Variants in MACF1 observed in about 807,000 individuals in gnomAD.
MACF1 encodes microtubule actin crosslinking factor 1.
A neutral mutation model predicts 854.8 loss-of-function variants in MACF1; 193 were observed. The ratio of observed to expected loss-of-function variants is 0.23; its 90% CI spans 0.20 to 0.25. MACF1 has a LOEUF of 0.25. MACF1 is among the 10% of genes least tolerant of loss of function. The pLI is 1.00. For missense variants in MACF1, 7,722 were observed against 8,929.1 expected, an observed-to-expected ratio of 0.86 and a Z score of 5.45; for synonymous variants, 3,185 against 3,226.7, an observed-to-expected ratio of 0.99 and a Z score of 0.44.
At chr1:39,230,582 G>C (rs1047476440) in intron 1 of MACF1, among the ~76,000 whole-genome samples, 3 of 144,704 alleles carry the variant, frequency 2.1e-5, no homozygotes, top group African/African-American at 7.3e-5. Context: ...TTGTTAAAGA[G>C]GTAAAAAAAA....
chr1:39,219,207 T>G (rs1644618398), intron 1 of MACF1, among the ~76,000 whole-genome samples: 1 of 152,256 alleles, frequency 6.6e-6, no homozygotes, highest in South Asian at 2.1e-4. Flanking sequence ...ATGCCTTTCA[T>G]GAATCCCTAT....
At chr1:39,278,435 C>G (rs536156265) in intron 6 of MACF1, among the ~76,000 whole-genome samples, 1 of 152,238 alleles carries the variant, frequency 6.6e-6, no homozygotes, top group South Asian at 2.1e-4. Context: ...TAAAGCTGTT[C>G]ATTGAAGTAG....
rs549199397 is a variant in MACF1 at position 39,387,708 on chromosome 1, C to T, written c.14866C>T (p.Arg4956Cys). The T allele has an allele frequency of 1.0e-4, 167 of 1,614,096 alleles. No homozygotes were observed. Among genetic ancestry groups the T allele is most frequent in the South Asian group, 9.9e-4 (90 of 91,070 alleles). Residue 4956 changes from arginine (R) to cysteine (C), a missense_variant, in exon 58 of 101, where the codon CGC (arginine) becomes TGC (cysteine). By Grantham distance (180) the Arg-to-Cys change is radical. Around this residue, in one of 15 missense-constraint regions of MACF1, gnomAD observed 2,807 missense variants for 3,235.8 expected, o/e 0.87. Transcript: ENST00000564288. Reference protein sequence around the residue: ...KAMLNEVEKRRSLLEILNSAA... With the variant: ...KAMLNEVEKRCSLLEILNSAA... Reference sequence around the variant, plus strand: ...TATGCTGAATGAGGTGGAGAAGCGCCGCTCCCTGCTGGAAATATTGAATAG... The same window carrying T: ...TATGCTGAATGAGGTGGAGAAGCGCTGCTCCCTGCTGGAAATATTGAATAG...
intron 58 of MACF1, chr1:39,411,379 G>A: frequency 6.2e-7 from 1 of 1,614,034 alleles, no homozygotes; most frequent in Non-Finnish European, 8.5e-7. Flanking sequence ...CACAGCAGTG[G>A]TGGAGGATGG....
chr1:39,171,227 GTA>G lies in MACF1; in HGVS notation c.221-59953_221-59952del, dbSNP rs1491020935. Among the ~76,000 whole-genome samples the G allele has an allele frequency of 1.8e-3, 276 of 151,742 alleles. 2 individuals are homozygous for G. Among genetic ancestry groups the G allele is most frequent in the South Asian group, 6.9e-3 (33 of 4,810 alleles). ...TTTGTGTGTGTGTGTGTGTGTGTGT[GTA>G]TGTGTGTGTGTATTTTTCTCCCGAT... On this transcript the variant is annotated intron_variant, in intron 2 of 93. Transcript: ENST00000361689.
intron 97 of MACF1, among the ~76,000 whole-genome samples, chr1:39,469,916 C>G (rs1557671129): frequency 1.3e-5 from 2 of 151,868 alleles, no homozygotes; most frequent in Admixed American, 6.6e-5. Flanking sequence ...TGTAGATGCT[C>G]TTATCTCTGT....
intron 1 of MACF1, among the ~76,000 whole-genome samples, chr1:39,217,903 G>T (rs1301563736): frequency 6.7e-6 from 1 of 149,406 alleles, no homozygotes; most frequent in East Asian, 2.0e-4. Context: ...AAAAAAAGAG[G>T]TCGGTCACAG....
At chr1:39,416,493 G>GA (rs60052765) in intron 58 of MACF1, among the ~76,000 whole-genome samples, 7,658 of 111,274 alleles carry the variant, frequency 0.069, 580 homozygotes, top group African/African-American at 0.21. Flanking sequence ...AAAATAAAAA[G>GA]AAAAAAAAAA....
At chr1:39,216,091 T>C (rs889172160) in intron 1 of MACF1, among the ~76,000 whole-genome samples, 1 of 152,172 alleles carries the variant, frequency 6.6e-6, no homozygotes, top group Non-Finnish European at 1.5e-5. Flanking sequence ...GGTTTCAAAA[T>C]TGTAGGGTAT....
Position 39,148,577 on chromosome 1 carries a change from T to C in MACF1, c.220+64139T>C, listed in dbSNP as rs573663042. On this transcript the variant is annotated intron_variant, in intron 2 of 93. Transcript: ENST00000361689. ...AAAAAAACAGTTTGTAACATGTTTC[T>C]TCACTTAGTGTATGTTGAAAGTCTT... Among the ~76,000 whole-genome samples, 3 of 152,362 alleles carry C rather than the reference T, an allele frequency of 2.0e-5. No homozygotes were observed. The East Asian group carries it at 5.8e-4, about 29-fold the overall frequency.
intron 49 of MACF1, among the ~76,000 whole-genome samples, chr1:39,366,696 C>CTTT (rs10718160): frequency 7.5e-6 from 1 of 133,770 alleles, no homozygotes; most frequent in Non-Finnish European, 1.6e-5. Context: ...TACAAATATA[C>CTTT]TTTTTTTTTT....
chr1:39,430,222 G>A (rs1643853379), intron 65 of MACF1, among the ~76,000 whole-genome samples, 154 bp downstream of exon 65: 1 of 151,962 alleles, frequency 6.6e-6, no homozygotes, highest in Non-Finnish European at 1.5e-5. Flanking sequence ...AGACATATAC[G>A]TTACACATAT....
intron 2 of MACF1, among the ~76,000 whole-genome samples, chr1:39,112,453 C>T (rs1413798754): frequency 2.0e-5 from 3 of 152,016 alleles, no homozygotes; most frequent in African/African-American, 4.8e-5. Context: ...GAGGCCAAGG[C>T]GGGCAGATCA....
intron 2 of MACF1, among the ~76,000 whole-genome samples, chr1:39,240,429 C>G (rs980737501): frequency 6.6e-6 from 1 of 152,188 alleles, no homozygotes; most frequent in Non-Finnish European, 1.5e-5. Context: ...TATATTTGGA[C>G]TTGGGCTTTA....
At chr1:39,401,850 G>T (rs1411789572) in intron 58 of MACF1, among the ~76,000 whole-genome samples, 1 of 152,134 alleles carries the variant, frequency 6.6e-6, no homozygotes, top group Non-Finnish European at 1.5e-5. Flanking sequence ...CCTTAGTAAC[G>T]AAATGAAAGA....
At chr1:39,413,081 C>T (rs762834563) in intron 58 of MACF1, 2 of 1,602,546 alleles carry the variant, frequency 1.2e-6, no homozygotes, top group Non-Finnish European at 1.7e-6. Flanking sequence ...GTTGCAGCAG[C>T]CATCACACAG....
chr1:39,224,322 A>G (rs1256445736), intron 1 of MACF1, among the ~76,000 whole-genome samples: 4 of 152,128 alleles, frequency 2.6e-5, no homozygotes, highest in Admixed American at 2.6e-4. Context: ...TGAAAAGAAA[A>G]GAGGGCTAAG....
chr1:39,292,189 C>A, intron 16 of MACF1, 151 bp downstream of exon 16: 1 of 861,048 alleles, frequency 1.2e-6, no homozygotes, highest in Non-Finnish European at 1.7e-6. Flanking sequence ...TCCCTTTTCA[C>A]ATGAAGTGTA....
At chr1:39,386,911 T>A (rs1317197062) in intron 57 of MACF1, among the ~76,000 whole-genome samples, 1 of 152,208 alleles carries the variant, frequency 6.6e-6, no homozygotes, top group African/African-American at 2.4e-5. Flanking sequence ...AATTGTGCCA[T>A]TAATTTATTA....
Sources: allele counts gnomAD v4.1 joint callset (sites outside exome capture counted in the v4.1 genomes callset), GRCh38; gene constraint gnomAD v4.1.1; regional missense constraint gnomAD v4.1.1; transcripts MANE v1.5; gene names NCBI Gene and HGNC (gene_info 2026-07-23, HGNC 2026-07-21).